EPHA1: variants seen among roughly 807,000 people sequenced by gnomAD.
EPHA1 encodes the protein EPH receptor A1, also known as ephrin type-A receptor 1.
Under a neutral mutation model 110.1 loss-of-function variants are expected in EPHA1, and 92 were observed. That is an observed-to-expected ratio of 0.84 (90% CI 0.71 to 0.99). The LOEUF (loss-of-function observed/expected upper bound fraction) is 0.99, where lower values mean the gene tolerates loss of function less well. Ranked by LOEUF, EPHA1 falls within the 50% of genes least tolerant of loss-of-function variation. EPHA1 has a pLI of 0.00. For missense variants in EPHA1, 1,204 were observed against 1,285.4 expected, an observed-to-expected ratio of 0.94 and a Z score of 0.97; for synonymous variants, 500 against 516.1, an observed-to-expected ratio of 0.97 and a Z score of 0.42.
rs757326832 is a variant in EPHA1 at position 143,394,349 on chromosome 7, A to G, written c.2353-6T>C. On this transcript the variant is annotated splice_region_variant and splice_polypyrimidine_tract_variant and intron_variant, in intron 14 of 17. Transcript: ENST00000275815. Reference sequence around the variant, plus strand: ...CGGATAGGGATCTTTCCTCCCTAAGAAGGCACATGGGTCAGGGACGGAAAG... The same window carrying G: ...CGGATAGGGATCTTTCCTCCCTAAGGAGGCACATGGGTCAGGGACGGAAAG... The G allele has an allele frequency of 1.2e-6, 2 of 1,613,300 alleles. No individual in the cohort carries two copies. The highest frequency in any genetic ancestry group is 3.3e-5 in the Admixed American group (2 of 59,942).
intron 10 of EPHA1, 174 bp from the exon 11 acceptor site, chr7:143,396,684 C>T (rs1488160086): frequency 2.9e-6 from 2 of 701,034 alleles, no homozygotes; most frequent in Non-Finnish European, 4.6e-6. Context: ...GGCCTTTCTT[C>T]TCCCTGTCTA....
Position 143,393,941 on chromosome 7 carries a change from G to A in EPHA1, c.2503-77C>T. On this transcript the variant is annotated intron_variant, in intron 15 of 17. Coordinates refer to ENST00000275815, the MANE Select transcript of EPHA1 (RefSeq NM_005232.5). The surrounding 1 kb of genome is among the most constrained non-coding windows in gnomAD (Gnocchi z 5.6). ...CCATGAGAAACCGACGGTCACACAA[G>A]ATAATTGCAGTGGAGATCCTAGGAT... The A allele has an allele frequency of 6.8e-7, 1 of 1,461,178 alleles. No individual in the cohort carries two copies. Among genetic ancestry groups the A allele is most frequent in the East Asian group, 2.3e-5 (1 of 43,500 alleles). 90.5% of individuals were successfully genotyped at this position (1,461,178 alleles called of 1,614,324 possible).
chr7:143,395,062 C>T lies in EPHA1; in HGVS notation c.2146-48G>A. 1.2e-6 allele frequency: 2 copies of T among 1,613,880 alleles called. No individual in the cohort carries two copies. The highest frequency in any genetic ancestry group is 3.3e-4 in the Middle Eastern group (2 of 6,060). ...GTCAGGGGATGGGCCAGGTCTCCTC[C>T]CAGTGCCCAGGGTACCATGGTGCAT... On this transcript the variant is annotated intron_variant, in intron 13 of 17. Transcript: ENST00000275815. The surrounding 1 kb of genome is among the most constrained non-coding windows in gnomAD (Gnocchi z 4.7).
In EPHA1 at chr7:143,391,525, G is replaced by GC; in HGVS notation, c.2862dup (p.Gln955AlafsTer58). ...TGCCCGGGCAGTGTGATTCCCATCT[G>GC]CGTCAGGTCCCTGTGGGCAAGGAAG... On this transcript the variant is annotated frameshift_variant, in exon 18 of 18. Coordinates refer to ENST00000275815, the MANE Select transcript of EPHA1 (RefSeq NM_005232.5). LOFTEE classifies it high-confidence loss of function. The GC allele has an allele frequency of 6.2e-7, 1 of 1,614,170 alleles. No homozygotes were observed. Among genetic ancestry groups the GC allele is most frequent in the Non-Finnish European group, 8.5e-7 (1 of 1,180,038 alleles).
chr7:143,406,160 T>G (rs1335024580), intron 2 of EPHA1, among the ~76,000 whole-genome samples: 1 of 151,830 alleles, frequency 6.6e-6, no homozygotes, highest in Non-Finnish European at 1.5e-5. Context: ...TAGACTGGGG[T>G]GGGGGAGGCC....
chr7:143,391,982 C>G (rs1208191358), intron 16 of EPHA1, among the ~76,000 whole-genome samples: 1 of 152,188 alleles, frequency 6.6e-6, no homozygotes, highest in African/African-American at 2.4e-5. Flanking sequence ...GACAGTCCTG[C>G]TATGTCGACA....
Position 143,399,631 on chromosome 7 carries a change from C to A in EPHA1, c.835+20G>T. ...ATCCTCCCGAGTGGTTCCTCAGGTT[C>A]TCACCGCCTCCGTTCTTACCAACAC... On this transcript the variant is annotated intron_variant, in intron 4 of 17. Transcript: ENST00000275815. 6.2e-7 allele frequency: 1 copy of A among 1,611,874 alleles called. No individual in the cohort carries two copies. The highest frequency in any genetic ancestry group is 1.1e-5 in the South Asian group (1 of 90,894).
intron 2 of EPHA1, among the ~76,000 whole-genome samples, chr7:143,406,312 C>T (rs1464504757): frequency 6.6e-6 from 1 of 152,154 alleles, no homozygotes; most frequent in East Asian, 1.9e-4. Flanking sequence ...AATGAAGTCT[C>T]CATAAAAGCC....
intron 2 of EPHA1, among the ~76,000 whole-genome samples, chr7:143,405,996 G>C (rs762886575): frequency 4.6e-5 from 7 of 152,216 alleles, no homozygotes; most frequent in Non-Finnish European, 1.0e-4. Flanking sequence ...TCTGTGACCA[G>C]CTGTGCTGCT....
At position 143,391,380 on chromosome 7, in the gene EPHA1, G is replaced by C; in HGVS notation, c.*77C>G. On this transcript the variant is annotated 3_prime_UTR_variant, in exon 18 of 18. Transcript: ENST00000275815. Reference sequence around the variant, plus strand: ...AGTCTGGCAGGTTGTGGGAAGGGGCGCAGGGAGTGACCATGAGCGACCTTG... The same window carrying C: ...AGTCTGGCAGGTTGTGGGAAGGGGCCCAGGGAGTGACCATGAGCGACCTTG... The C allele has an allele frequency of 6.5e-7, 1 of 1,545,586 alleles. No individual in the cohort carries two copies. The highest frequency in any genetic ancestry group is 8.8e-7 in the Non-Finnish European group (1 of 1,132,258).
chr7:143,391,853 C>T, intron 16 of EPHA1, 78 bp from the exon 17 acceptor site: 1 of 1,569,232 alleles, frequency 6.4e-7, no homozygotes, highest in East Asian at 2.3e-5. Flanking sequence ...CATCAGCAGC[C>T]AGCACTGAAG....
intron 2 of EPHA1, among the ~76,000 whole-genome samples, chr7:143,404,980 CAA>C (rs11331186): frequency 1.4e-5 from 2 of 147,030 alleles, no homozygotes; most frequent in Non-Finnish European, 3.0e-5. Flanking sequence ...TGGGAAAAGG[CAA>C]AAAAAAAAAT....
rs1805074040 is a variant in EPHA1, at chr7:143,391,398, C to T, written c.*59G>A. ...AAGGGGCGCAGGGAGTGACCATGAG[C>T]GACCTTGGCCCCGTCCTTGCTCCTT... On this transcript the variant is annotated 3_prime_UTR_variant, in exon 18 of 18. Transcript: ENST00000275815. 1.9e-6 allele frequency: 3 copies of T among 1,595,980 alleles called. No individual in the cohort carries two copies. The highest frequency in any genetic ancestry group is 2.3e-5 in the East Asian group (1 of 44,156).
rs201546539 is a variant in EPHA1 at position 143,401,446 on chromosome 7, G to T, written c.310C>A (p.Arg104=). The T allele has an allele frequency of 6.2e-7, 1 of 1,613,964 alleles. No individual in the cohort carries two copies. Among genetic ancestry groups the T allele is most frequent in the African/African-American group, 1.3e-5 (1 of 74,926 alleles). Residue 104 remains arginine (R), a synonymous_variant, in exon 3 of 18, where the codon CGG becomes AGG. Transcript: ENST00000275815. The surrounding 1 kb of genome is among the most constrained non-coding windows in gnomAD (Gnocchi z 4.1). The part of the protein sequence containing the change: ...RVHVELQFTV[R]DCKSFPGGAG... ...CCCCCAGGGAAACTCTTGCAGTCCC[G>T]CACGGTGAACTGCAGCTCCACGTGG...
In EPHA1 at chr7:143,398,720, A is replaced by G. The variant is rs1473289970; in HGVS notation, c.1217T>C (p.Val406Ala). 2 of 1,613,990 alleles carry G rather than the reference A, an allele frequency of 1.2e-6. No individual in the cohort carries two copies. Among genetic ancestry groups the G allele is most frequent in the African/African-American group, 2.7e-5 (2 of 74,918 alleles). Residue 406 changes from valine to alanine, a missense_variant, in exon 6 of 18, where the codon GTC (valine) becomes GCC (alanine). Coordinates refer to ENST00000275815, the MANE Select transcript of EPHA1 (RefSeq NM_005232.5). ...GTTGGCATAAGGTTCAAGGCCATTG[A>G]CATGCACTGCAGGTGTGGTGAGCCC... The part of the protein sequence containing the change: ...ARGLTTPAVH[V>A]NGLEPYANYT...
At chr7:143,407,188 C>G (rs1407792798) in intron 2 of EPHA1, among the ~76,000 whole-genome samples, 1 of 152,106 alleles carries the variant, frequency 6.6e-6, no homozygotes, top group Non-Finnish European at 1.5e-5. Context: ...TTCCCCACCC[C>G]CTGAAACCTA....
chr7:143,407,058 C>CT (rs775008612), intron 2 of EPHA1, among the ~76,000 whole-genome samples: 3 of 152,072 alleles, frequency 2.0e-5, no homozygotes, highest in Non-Finnish European at 4.4e-5. Flanking sequence ...AGGGGAGCAG[C>CT]TTTTAACTTC....
At position 143,395,120 on chromosome 7, in the gene EPHA1, C is replaced by G; in HGVS notation, c.2145+1G>C. 3 of 1,614,070 alleles carry G rather than the reference C, an allele frequency of 1.9e-6. No individual in the cohort carries two copies. The South Asian group carries it at 3.3e-5, about 18-fold the overall frequency. ...CCCAGCTAGTCCTCTGCCCTCCTCA[C>G]CCTCAGGAAGGCATCCAGGGCTCCA... On this transcript the variant is annotated splice_donor_variant, in intron 13 of 17. Transcript: ENST00000275815. LOFTEE classifies it high-confidence loss of function. This position sits in a 1 kb window ranked among gnomAD's most constrained non-coding sequence, Gnocchi z 4.7.
chr7:143,394,178 A>G lies in EPHA1; in HGVS notation c.2502+16T>C, dbSNP rs1434271153. On this transcript the variant is annotated intron_variant, in intron 15 of 17. Transcript: ENST00000275815. ...GTGAATTGGAGACAAGATGAGGAAG[A>G]ATATTCTGGGCTCACCTCCTGATTG... The G allele has an allele frequency of 6.2e-7, 1 of 1,602,706 alleles. No individual in the cohort carries two copies.
Sources: gnomAD v4.1 joint callset for allele counts (sites outside exome capture counted in the v4.1 genomes callset) on GRCh38, gnomAD v4.1.1 for gene constraint, Gnocchi (gnomAD v3.1) non-coding constraint, MANE v1.5 for transcripts, NCBI Gene and HGNC (gene_info 2026-07-23, HGNC 2026-07-21) for gene names.